The following HTR1E variants were observed in gnomAD, a reference collection of about 807,000 sequenced individuals.
HTR1E encodes 5-HT-1E.
HTR1E carries 3 observed loss-of-function variants against 3.4 expected under a neutral mutation model. The ratio of observed to expected loss-of-function variants is 0.89; its 90% CI spans 0.41 to 2.31. HTR1E has a LOEUF of 2.31. Ranked by LOEUF, HTR1E falls within the 30% of genes most tolerant of loss-of-function variation. The pLI, the probability that HTR1E is intolerant of heterozygous loss-of-function variation, is 0.05. For synonymous variants in HTR1E, 170 were observed against 182.8 expected (o/e 0.93, Z 0.56); for missense variants, 392 against 467.0 (o/e 0.84, Z 1.48).
chr6:86,954,162 T>C (rs982645732), intron 1 of HTR1E, among the ~76,000 whole-genome samples: 2 of 152,110 alleles, frequency 1.3e-5, no homozygotes, highest in African/African-American at 4.8e-5. Flanking sequence ...TATGAAGAAG[T>C]CAAAGATAAT....
intron 1 of HTR1E, among the ~76,000 whole-genome samples, chr6:86,940,852 T>G (rs1288268041): frequency 6.6e-6 from 1 of 152,226 alleles, no homozygotes; most frequent in Non-Finnish European, 1.5e-5. Context: ...GGAACTTACT[T>G]TTTATGCCGT....
chr6:87,011,060 T>C (rs1168822960), intron 1 of HTR1E, among the ~76,000 whole-genome samples: 2 of 152,260 alleles, frequency 1.3e-5, no homozygotes, highest in South Asian at 2.1e-4. Context: ...AAACTTTTAA[T>C]ACATTGACTT....
intron 1 of HTR1E, among the ~76,000 whole-genome samples, chr6:87,014,076 C>A (rs1437280504): frequency 1.3e-5 from 2 of 151,986 alleles, no homozygotes; most frequent in Admixed American, 1.3e-4. Flanking sequence ...CACCTGGACA[C>A]AGGGCAGGGA....
chr6:86,998,140 T>C (rs919350302), intron 1 of HTR1E, among the ~76,000 whole-genome samples: 3 of 152,026 alleles, frequency 2.0e-5, no homozygotes, highest in Non-Finnish European at 4.4e-5. Context: ...CCCACAATTA[T>C]AGTTGGAGAT....
At chr6:86,958,801 A>C (rs572979438) in intron 1 of HTR1E, among the ~76,000 whole-genome samples, 1 of 152,112 alleles carries the variant, frequency 6.6e-6, no homozygotes, top group Non-Finnish European at 1.5e-5. Flanking sequence ...TCTAAGAGAA[A>C]ATTTGCCTGG....
At chr6:87,013,338 C>T (rs533959793) in intron 1 of HTR1E, among the ~76,000 whole-genome samples, 12 of 152,326 alleles carry the variant, frequency 7.9e-5, no homozygotes, top group Admixed American at 2.6e-4. Flanking sequence ...GAGTAATTCT[C>T]TCCTATTTGT....
intron 1 of HTR1E, among the ~76,000 whole-genome samples, chr6:86,943,831 A>G (rs1336620031): frequency 6.6e-6 from 1 of 152,190 alleles, no homozygotes; most frequent in Non-Finnish European, 1.5e-5. Flanking sequence ...CCCAAAACCT[A>G]ATGGCTTAAA....
At chr6:86,938,947 G>A (rs1460744160) in intron 1 of HTR1E, among the ~76,000 whole-genome samples, 1 of 152,164 alleles carries the variant, frequency 6.6e-6, no homozygotes, top group East Asian at 1.9e-4. Context: ...ATGCACTTGT[G>A]AATCAGGGGC....
intron 1 of HTR1E, among the ~76,000 whole-genome samples, chr6:86,975,982 G>A (rs1165942272): frequency 6.7e-6 from 1 of 149,960 alleles, no homozygotes; most frequent in East Asian, 2.0e-4. Flanking sequence ...TACCATGAAA[G>A]CTTATTTCAC....
chr6:86,950,189 T>A (rs529183075), intron 1 of HTR1E, among the ~76,000 whole-genome samples: 52 of 152,312 alleles, frequency 3.4e-4, no homozygotes, highest in African/African-American at 1.2e-3. Context: ...ATACAAAATT[T>A]CACTATTCTT....
chr6:86,951,565 G>A (rs1302930023), intron 1 of HTR1E, among the ~76,000 whole-genome samples: 2 of 152,012 alleles, frequency 1.3e-5, no homozygotes, highest in African/African-American at 4.8e-5. Flanking sequence ...TACCACTAGG[G>A]AAAAAGACAG....
chr6:86,940,439 A>G (rs1768530692), intron 1 of HTR1E, among the ~76,000 whole-genome samples: 1 of 152,156 alleles, frequency 6.6e-6, no homozygotes, highest in Admixed American at 6.5e-5. Flanking sequence ...GGGAGGTTGA[A>G]GTGAGAGGAT....
chr6:86,965,804 A>G (rs78555849), intron 1 of HTR1E, among the ~76,000 whole-genome samples: 24,199 of 152,100 alleles, frequency 0.16, 2,224 homozygotes, highest in East Asian at 0.29. Flanking sequence ...GCTAAGCTAT[A>G]AGGATGCAAA....
intron 1 of HTR1E, among the ~76,000 whole-genome samples, chr6:86,986,861 A>G (rs1249263704): frequency 6.6e-6 from 1 of 152,162 alleles, no homozygotes; most frequent in African/African-American, 2.4e-5. Context: ...CTTAGCAACT[A>G]AGAAAGTTCA....
rs972913570 is a variant in HTR1E, at chr6:87,016,450, G to T, written c.*18G>T. On this transcript the variant is annotated 3_prime_UTR_variant, in exon 2 of 2. Transcript: ENST00000305344. Reference sequence around the variant, plus strand: ...ATACTTAGACTGTAAAAAGCTAAAAGGCACGACTTTTTCCAGAGCCTCATG... The same window carrying T: ...ATACTTAGACTGTAAAAAGCTAAAATGCACGACTTTTTCCAGAGCCTCATG... 12 of 1,560,524 alleles carry T rather than the reference G, an allele frequency of 7.7e-6. No homozygotes were observed. The highest frequency in any genetic ancestry group is 1.0e-5 in the Non-Finnish European group (12 of 1,151,596).
Position 87,016,663 on chromosome 6 carries a change from A to G in HTR1E, c.*231A>G. On this transcript the variant is annotated 3_prime_UTR_variant, in exon 2 of 2. Transcript: ENST00000305344. ...CTGTGATACATAATTTCAAATAAACATTATCATACAAAAACAGAAATTTTG... is the reference window on the plus strand; with the variant it reads ...CTGTGATACATAATTTCAAATAAACGTTATCATACAAAAACAGAAATTTTG... 1 of 375,230 alleles carries G rather than the reference A, an allele frequency of 2.7e-6. No individual in the cohort carries two copies. Among genetic ancestry groups the G allele is most frequent in the Non-Finnish European group, 4.9e-6 (1 of 204,576 alleles). The allele number at this position is 375,230 out of a possible 1,614,324, so 23.2% of individuals were successfully genotyped here. A position where few individuals can be genotyped will look rare whatever the true frequency, so the allele number is the denominator to read the frequency against.
chr6:87,009,730 G>C (rs559511409), intron 1 of HTR1E, among the ~76,000 whole-genome samples: 1 of 144,490 alleles, frequency 6.9e-6, no homozygotes, highest in Non-Finnish European at 1.5e-5. Context: ...GCGGCTGGCC[G>C]GGCAGAGGGG....
intron 1 of HTR1E, among the ~76,000 whole-genome samples, chr6:86,964,476 A>C (rs1767447367): frequency 6.6e-6 from 1 of 152,234 alleles, no homozygotes; most frequent in African/African-American, 2.4e-5. Context: ...AAAATGTGAT[A>C]GCAGGTGATA....
At chr6:86,940,718 C>G (rs1768534279) in intron 1 of HTR1E, among the ~76,000 whole-genome samples, 1 of 152,038 alleles carries the variant, frequency 6.6e-6, no homozygotes, top group Non-Finnish European at 1.5e-5. Flanking sequence ...TCTGCACTAC[C>G]CTTTAAAAGT....
Sources: gnomAD v4.1 joint callset for allele counts (sites outside exome capture counted in the v4.1 genomes callset) on GRCh38, gnomAD v4.1.1 for gene constraint, MANE v1.5 for transcripts, NCBI Gene and HGNC (gene_info 2026-07-23, HGNC 2026-07-21) for gene names.